Variants in CHSY3 observed in about 807,000 individuals in gnomAD.
CHSY3 encodes N-acetylgalactosaminyl-proteoglycan 3-beta-glucuronosyltransferase 3.
A neutral mutation model predicts 67.2 loss-of-function variants in CHSY3; 35 were observed. The ratio of observed to expected loss-of-function variants is 0.52; its 90% confidence interval spans 0.40 to 0.69. The LOEUF is 0.69. CHSY3 is among the 30% of genes least tolerant of loss of function. The pLI, the probability that CHSY3 is intolerant of heterozygous loss-of-function variation, is 0.00. For missense variants in CHSY3, 1,069 were observed against 1,138.5 expected, an observed-to-expected ratio of 0.94 and a Z score of 0.88; for synonymous variants, 474 against 434.7, an observed-to-expected ratio of 1.09 and a Z score of -1.12.
chr5:129,908,431 AT>A lies in CHSY3; in HGVS notation c.1086+73del, dbSNP rs149881077. On this transcript the variant is annotated intron_variant, in intron 2 of 2. Coordinates refer to ENST00000305031, the MANE Select transcript of CHSY3 (RefSeq NM_175856.5). ...TGCCATTTTATAATCTAGGGCAGCG[AT>A]TCTATTCATTCTCTCTGTATCTTTG... 784 of 1,542,720 alleles carry A rather than the reference AT, an allele frequency of 5.1e-4. 4 individuals carry two copies. In the African/African-American group the frequency reaches 9.8e-3, roughly 19 times the overall value.
At chr5:130,167,182 A>C (rs1769772456) in intron 2 of CHSY3, among the ~76,000 whole-genome samples, 1 of 152,056 alleles carries the variant, frequency 6.6e-6, no homozygotes, top group South Asian at 2.1e-4. Flanking sequence ...CAAAGTGATT[A>C]CTACCTGGAG....
intron 2 of CHSY3, among the ~76,000 whole-genome samples, chr5:129,992,562 A>G (rs1374168811): frequency 1.3e-5 from 2 of 152,196 alleles, no homozygotes; most frequent in Admixed American, 6.5e-5. Context: ...CACAGATGTT[A>G]GATTTTTAAA....
intron 2 of CHSY3, among the ~76,000 whole-genome samples, chr5:129,962,254 G>T (rs752890220): frequency 1.3e-5 from 2 of 151,832 alleles, no homozygotes; most frequent in Non-Finnish European, 2.9e-5. Flanking sequence ...CTCAGCAAAT[G>T]GTACCACCAC....
chr5:130,184,384 T>G lies in CHSY3; in HGVS notation c.1242T>G (p.Ile414Met). 1.9e-6 allele frequency: 3 copies of G among 1,614,052 alleles called. No individual in the cohort carries two copies. The highest frequency in any genetic ancestry group is 2.5e-6 in the Non-Finnish European group (3 of 1,179,950). ...RLHNYMLSRK[I>M]SELRYRTIQL... ...ATAATTACATGCTCAGCCGCAAAAT[T>G]TCTGAACTTCGCTACCGCACCATCC... Residue 414 changes from isoleucine (I) to methionine (M), a missense_variant, in exon 3 of 3, where the codon ATT (isoleucine) becomes ATG (methionine). Transcript: ENST00000305031.
At chr5:129,968,184 T>TA (rs1453178273) in intron 2 of CHSY3, among the ~76,000 whole-genome samples, 1 of 151,854 alleles carries the variant, frequency 6.6e-6, no homozygotes, top group Non-Finnish European at 1.5e-5. Context: ...TCAATTCCAT[T>TA]AGAGTGATAT....
chr5:130,148,184 G>A (rs1256425536), intron 2 of CHSY3, among the ~76,000 whole-genome samples: 1 of 152,142 alleles, frequency 6.6e-6, no homozygotes, highest in African/African-American at 2.4e-5. Flanking sequence ...CTTTGCTAAG[G>A]ATAATGGTCT....
intron 2 of CHSY3, among the ~76,000 whole-genome samples, chr5:129,925,337 T>A (rs546100498): frequency 6.6e-6 from 1 of 152,246 alleles, no homozygotes; most frequent in Non-Finnish European, 1.5e-5. Flanking sequence ...AGGAGCCAGA[T>A]GATGGAAGAG....
At chr5:130,046,317 A>G (rs1765146454) in intron 2 of CHSY3, among the ~76,000 whole-genome samples, 1 of 152,134 alleles carries the variant, frequency 6.6e-6, no homozygotes, top group Admixed American at 6.6e-5. Flanking sequence ...CTGTTATACT[A>G]TTCTTTTAGT....
intron 2 of CHSY3, among the ~76,000 whole-genome samples, chr5:130,176,185 C>T (rs1226975007): frequency 7.2e-5 from 11 of 151,764 alleles, no homozygotes; most frequent in South Asian, 4.2e-4. Context: ...AAAAAGTGGG[C>T]GAAGGATATG....
intron 2 of CHSY3, among the ~76,000 whole-genome samples, chr5:130,093,231 G>A (rs114394303): frequency 0.013 from 1,997 of 152,168 alleles, 34 homozygotes; most frequent in African/African-American, 0.045. Flanking sequence ...CACTCTTCCA[G>A]GACCTCCACA....
At chr5:130,089,409 AAAGT>A (rs1409012001) in intron 2 of CHSY3, among the ~76,000 whole-genome samples, 79 of 152,114 alleles carry the variant, frequency 5.2e-4, no homozygotes, top group African/African-American at 1.9e-3. Context: ...AAAAATTTAA[AAAGT>A]AAAGTACAGA....
intron 2 of CHSY3, among the ~76,000 whole-genome samples, chr5:130,036,454 T>C (rs1489010721): frequency 1.3e-5 from 2 of 152,168 alleles, no homozygotes; most frequent in Non-Finnish European, 2.9e-5. Flanking sequence ...TCAATGACAT[T>C]GGGCTTGGAT....
intron 2 of CHSY3, among the ~76,000 whole-genome samples, chr5:130,161,875 C>T (rs1322743973): frequency 6.6e-6 from 1 of 151,516 alleles, no homozygotes; most frequent in Non-Finnish European, 1.5e-5. Flanking sequence ...CCTGTCTCTA[C>T]TGAAAATATA....
At chr5:129,936,445 C>T (rs1054140494) in intron 2 of CHSY3, among the ~76,000 whole-genome samples, 2 of 152,032 alleles carry the variant, frequency 1.3e-5, no homozygotes, top group African/African-American at 2.4e-5. Context: ...ATGTCAAGTG[C>T]CACTGCAAGG....
At chr5:130,182,927 A>T in intron 2 of CHSY3, among the ~76,000 whole-genome samples, 1 of 148,698 alleles carries the variant, frequency 6.7e-6, no homozygotes, top group South Asian at 2.1e-4. Flanking sequence ...ATCTTTTTTA[A>T]GCTTATTTGT....
chr5:129,988,587 C>G (rs921694384), intron 2 of CHSY3, among the ~76,000 whole-genome samples: 5 of 152,194 alleles, frequency 3.3e-5, no homozygotes, highest in Non-Finnish European at 5.9e-5. Context: ...TCCCCTAAAA[C>G]AGAGCCTAGC....
At chr5:129,921,612 G>T (rs1760926962) in intron 2 of CHSY3, among the ~76,000 whole-genome samples, 1 of 152,168 alleles carries the variant, frequency 6.6e-6, no homozygotes. Flanking sequence ...GTCTTTTTGT[G>T]CTTGCTTATT....
rs779633452 is a variant in CHSY3, at chr5:130,185,201, A to G, written c.2059A>G (p.Thr687Ala). ...YQNKYPKAEM[T>A]LIPMKGEFSR... ...GAACAAGTACCCCAAAGCAGAAATG[A>G]CCCTGATCCCAATGAAGGGAGAGTT... Residue 687 changes from threonine (T) to alanine (A), a missense_variant, in exon 3 of 3, where the codon ACC becomes GCC. By Grantham distance (58) the Thr-to-Ala change is moderately conservative. Transcript: ENST00000305031. 3 of 1,610,846 alleles carry G rather than the reference A, an allele frequency of 1.9e-6. No homozygotes were observed. In the African/African-American group the frequency reaches 4.0e-5, roughly 22 times the overall value.
rs139509273 is a variant in CHSY3, at chr5:130,185,344, T to C, written c.2202T>C (p.Asn734=). ...REDFLQRCRD[N]TIQGQQVYYP... is the part of the protein sequence containing the mutation. Reference sequence around the variant, plus strand: ...ATTTTCTCCAACGATGTAGAGACAATACAATTCAGGGACAACAGGTGTACT... The same window carrying C: ...ATTTTCTCCAACGATGTAGAGACAACACAATTCAGGGACAACAGGTGTACT... Residue 734 remains asparagine (N), a synonymous_variant, in exon 3 of 3, where the codon AAT becomes AAC. Transcript: ENST00000305031. 1.8e-4 allele frequency: 287 copies of C among 1,608,258 alleles called. 1 individual carries two copies. In the African/African-American group the frequency reaches 3.3e-3, roughly 19 times the overall value.
Sources: allele counts gnomAD v4.1 joint callset (sites outside exome capture counted in the v4.1 genomes callset), GRCh38; gene constraint gnomAD v4.1.1; transcripts MANE v1.5; gene names NCBI Gene and HGNC (gene_info 2026-07-23, HGNC 2026-07-21).